Variants in COL28A1 observed in about 807,000 individuals in gnomAD.
COL28A1 encodes the protein collagen type XXVIII alpha 1 chain.
Under a neutral mutation model 150.2 loss-of-function variants are expected in COL28A1, and 161 were observed. The observed-to-expected ratio is 1.07, with a 90% CI of 0.94 to 1.22. COL28A1 has a LOEUF of 1.22. Ranked by LOEUF, COL28A1 falls within the 50% of genes most tolerant of loss-of-function variation. COL28A1 has a pLI of 0.00. For synonymous variants in COL28A1, 552 were observed against 469.7 expected (o/e 1.18, Z -2.26); for missense variants, 1,617 against 1,388.3 (o/e 1.16, Z -2.62).
Position 7,436,379 on chromosome 7 carries a change from C to A in COL28A1, c.1860+16G>T. Reference sequence around the variant, plus strand: ...TTCAGATACAGAAAAACAAAAAGAACATGAATAAAGCATACCTTTGGTCCT... The same window carrying A: ...TTCAGATACAGAAAAACAAAAAGAAAATGAATAAAGCATACCTTTGGTCCT... On this transcript the variant is annotated intron_variant, in intron 23 of 34. Coordinates refer to ENST00000399429, the MANE Select transcript of COL28A1 (RefSeq NM_001037763.3). 1 of 1,173,558 alleles carries A rather than the reference C, an allele frequency of 8.5e-7. No homozygotes were observed. Among genetic ancestry groups the A allele is most frequent in the Non-Finnish European group, 1.3e-6 (1 of 778,134 alleles). 72.7% of individuals were successfully genotyped at this position (1,173,558 alleles called of 1,614,324 possible).
chr7:7,361,296 CTTT>C (rs137951741), intron 33 of COL28A1, among the ~76,000 whole-genome samples: 27 of 151,836 alleles, frequency 1.8e-4, no homozygotes, highest in African/African-American at 2.7e-4. Context: ...AGGCATTTTA[CTTT>C]TTTTTTAAAA....
chr7:7,437,251 C>T lies in COL28A1; in HGVS notation c.1791+143G>A, dbSNP rs1241142836. The T allele has an allele frequency of 3.0e-6, 4 of 1,343,248 alleles. No individual in the cohort carries two copies. In the African/African-American group the frequency reaches 5.9e-5, roughly 20 times the overall value. The allele number at this position is 1,343,248 out of a possible 1,614,324, so 83.2% of individuals were successfully genotyped here. On this transcript the variant is annotated intron_variant, in intron 22 of 34. Transcript: ENST00000399429. ...TAACTCTGCTGCTGGCTGTAGTTTGCTTATCTGTGAAGTTTCAGAGTTAAA... is the reference window on the plus strand; with the variant it reads ...TAACTCTGCTGCTGGCTGTAGTTTGTTTATCTGTGAAGTTTCAGAGTTAAA...
At chr7:7,522,519 G>T (rs1781781463) in intron 4 of COL28A1, among the ~76,000 whole-genome samples, 1 of 152,078 alleles carries the variant, frequency 6.6e-6, no homozygotes, top group Non-Finnish European at 1.5e-5. Flanking sequence ...TGTTGACCAG[G>T]TTCAGTCATG....
chr7:7,447,711 T>C (rs1786368039), intron 18 of COL28A1, among the ~76,000 whole-genome samples: 1 of 152,136 alleles, frequency 6.6e-6, no homozygotes. Flanking sequence ...TAAAAAACAC[T>C]GGACAGAATT....
the COL28A1 span, among the ~76,000 whole-genome samples, chr7:7,341,669 T>C: frequency 6.6e-6 from 1 of 152,136 alleles, no homozygotes; most frequent in Non-Finnish European, 1.5e-5. Context: ...TCTAGGTATG[T>C]AGTATTGATT....
intron 15 of COL28A1, among the ~76,000 whole-genome samples, chr7:7,470,750 G>T (rs1382220835): frequency 8.4e-6 from 1 of 118,982 alleles, no homozygotes; most frequent in Non-Finnish European, 1.7e-5. Context: ...AGAAAATGTG[G>T]CACATATACA....
chr7:7,448,470 AT>A (rs140527290), intron 18 of COL28A1, among the ~76,000 whole-genome samples: 80 of 150,082 alleles, frequency 5.3e-4, no homozygotes, highest in African/African-American at 1.6e-3. Flanking sequence ...ATAAGCAAAG[AT>A]TTTTTTTTTG....
chr7:7,530,507 C>T (rs749506225), intron 3 of COL28A1, among the ~76,000 whole-genome samples: 1 of 152,186 alleles, frequency 6.6e-6, no homozygotes. Flanking sequence ...GCCTTCCTTT[C>T]TCAGGAAATC....
intron 7 of COL28A1, among the ~76,000 whole-genome samples, chr7:7,517,370 G>A (rs1185130367): frequency 6.6e-6 from 1 of 152,054 alleles, no homozygotes; most frequent in Non-Finnish European, 1.5e-5. Context: ...CTTCTAATTT[G>A]GGGTATAAGA....
In COL28A1 at chr7:7,367,377, C is replaced by T. The variant is rs193018006; in HGVS notation, c.3066+3348G>A. Among the ~76,000 whole-genome samples, 17 of 152,302 alleles carry T rather than the reference C, an allele frequency of 1.1e-4. No homozygotes were observed. The East Asian group carries it at 3.3e-3, about 29-fold the overall frequency. ...GAATAGAAATGCACGTTTGTTCAAA[C>T]TAAATATCAATAAGGAAATAATTGT... On this transcript the variant is annotated intron_variant, in intron 33 of 34. Transcript: ENST00000399429.
At chr7:7,459,805 G>T (rs1222925708) in intron 15 of COL28A1, among the ~76,000 whole-genome samples, 1 of 152,200 alleles carries the variant, frequency 6.6e-6, no homozygotes, top group East Asian at 1.9e-4. Context: ...TGAACAATTT[G>T]ACAAATCATC....
At chr7:7,484,995 G>T (rs549753478) in intron 13 of COL28A1, among the ~76,000 whole-genome samples, 1 of 152,204 alleles carries the variant, frequency 6.6e-6, no homozygotes, top group African/African-American at 2.4e-5. Context: ...GTGAGAAAAG[G>T]GTGAGGATGG....
At chr7:7,511,286 G>GC in intron 8 of COL28A1, 151 bp from the exon 9 acceptor site, 1 of 589,068 alleles carries the variant, frequency 1.7e-6, no homozygotes, top group Non-Finnish European at 3.0e-6. Context: ...AATACTGTGG[G>GC]TTTTATGGGC....
chr7:7,476,261 T>C (rs1788873374), intron 14 of COL28A1, among the ~76,000 whole-genome samples: 1 of 152,234 alleles, frequency 6.6e-6, no homozygotes, highest in Non-Finnish European at 1.5e-5. Context: ...AAAATGTATC[T>C]TTACGTACTC....
At chr7:7,506,091 A>G (rs1336961375) in intron 10 of COL28A1, 24 bp from the exon 11 acceptor site, 2 of 1,185,572 alleles carry the variant, frequency 1.7e-6, no homozygotes, top group Admixed American at 3.4e-5. Flanking sequence ...AAAACCAAGA[A>G]TTAGTTCTGT....
the COL28A1 span, among the ~76,000 whole-genome samples, chr7:7,346,865 T>G: frequency 2.6e-5 from 4 of 152,068 alleles, no homozygotes; most frequent in East Asian, 7.7e-4. Flanking sequence ...ACTTTCCAAA[T>G]TGTTATGCCA....
intron 20 of COL28A1, among the ~76,000 whole-genome samples, chr7:7,441,768 G>A (rs1006973725): frequency 7.2e-5 from 11 of 152,074 alleles, no homozygotes; most frequent in African/African-American, 2.7e-4. Context: ...ACCACACTTT[G>A]AGAATCATTA....
At chr7:7,400,962 G>A (rs535091709) in intron 27 of COL28A1, among the ~76,000 whole-genome samples, 13 of 143,950 alleles carry the variant, frequency 9.0e-5, no homozygotes, top group East Asian at 4.1e-4. Flanking sequence ...CCCATAGGAC[G>A]TGTGGGTATT....
At chr7:7,445,541 A>G (rs1460415901) in intron 18 of COL28A1, among the ~76,000 whole-genome samples, 1 of 152,212 alleles carries the variant, frequency 6.6e-6, no homozygotes, top group Non-Finnish European at 1.5e-5. Flanking sequence ...TAAAAGTGAA[A>G]TAACAAATTT....
Sources: allele counts gnomAD v4.1 joint callset (sites outside exome capture counted in the v4.1 genomes callset), GRCh38; gene constraint gnomAD v4.1.1; transcripts MANE v1.5; gene names NCBI Gene and HGNC (gene_info 2026-07-23, HGNC 2026-07-21).